EPHB1: variants seen among roughly 807,000 people sequenced by gnomAD.
EPHB1 encodes EPH receptor B1.
Under a neutral mutation model 94.4 loss-of-function variants are expected in EPHB1, and 30 were observed. That is an observed-to-expected ratio of 0.32 (90% confidence interval 0.24 to 0.43). The LOEUF is 0.43. Ranked by LOEUF, EPHB1 falls within the 20% of genes least tolerant of loss-of-function variation. The pLI, the probability that EPHB1 is intolerant of heterozygous loss-of-function variation, is 1.00. For missense variants in EPHB1, 1,055 were observed against 1,308.3 expected (o/e 0.81, Z 2.99); for synonymous variants, 522 against 489.1 (o/e 1.07, Z -0.89).
At chr3:134,969,483 T>C (rs944764691) in intron 3 of EPHB1, among the ~76,000 whole-genome samples, 6 of 152,148 alleles carry the variant, frequency 3.9e-5, no homozygotes, top group South Asian at 2.1e-4. Context: ...TGAGGACTGG[T>C]CCACACAGGG....
intron 13 of EPHB1, among the ~76,000 whole-genome samples, chr3:135,241,853 T>C (rs911126665): frequency 9.2e-5 from 14 of 152,090 alleles, no homozygotes; most frequent in African/African-American, 3.4e-4. Flanking sequence ...ATATCACCTA[T>C]CAGTGAAGGA....
At chr3:134,892,092 A>G (rs2037995229) in intron 1 of EPHB1, among the ~76,000 whole-genome samples, 1 of 152,256 alleles carries the variant, frequency 6.6e-6, no homozygotes, top group South Asian at 2.1e-4. Flanking sequence ...GTTTTAAAGC[A>G]GGTTCTTTTT....
intron 12 of EPHB1, among the ~76,000 whole-genome samples, chr3:135,236,934 G>A (rs1943669565): frequency 6.6e-6 from 1 of 152,150 alleles, no homozygotes; most frequent in Admixed American, 6.5e-5. Flanking sequence ...ATACTTGGGT[G>A]GGCTCTAGAA....
At chr3:134,902,752 C>T (rs989646267) in intron 1 of EPHB1, among the ~76,000 whole-genome samples, 7 of 152,178 alleles carry the variant, frequency 4.6e-5, no homozygotes, top group African/African-American at 1.2e-4. Flanking sequence ...TTTAGCTCTT[C>T]GTGTGGCTGA....
At chr3:135,079,419 A>G (rs72975588) in intron 3 of EPHB1, among the ~76,000 whole-genome samples, 4,118 of 152,294 alleles carry the variant, frequency 0.027, 218 homozygotes, top group African/African-American at 0.094. Context: ...CTCATGCCTC[A>G]ATTTAAATGG....
At chr3:135,158,516 C>A (rs1941420186) in intron 6 of EPHB1, among the ~76,000 whole-genome samples, 1 of 152,120 alleles carries the variant, frequency 6.6e-6, no homozygotes, top group Non-Finnish European at 1.5e-5. Flanking sequence ...AGTTTTGTAA[C>A]CCCTGAAAAT....
chr3:135,258,863 G>C, intron 15 of EPHB1, 149 bp from the exon 16 acceptor site: 1 of 656,696 alleles, frequency 1.5e-6, no homozygotes, highest in Non-Finnish European at 2.7e-6. Context: ...TCTCTAATTG[G>C]AAGTTTGCCA....
chr3:134,856,661 C>T (rs1181696219), intron 1 of EPHB1, among the ~76,000 whole-genome samples: 1 of 152,028 alleles, frequency 6.6e-6, no homozygotes, highest in Non-Finnish European at 1.5e-5. Context: ...GAGGTGCTGT[C>T]GATGTAAAAT....
At position 134,795,547 on chromosome 3, in the gene EPHB1, GAGAGCGCAGC is replaced by G; in HGVS notation, c.-84_-75del. On this transcript the variant is annotated 5_prime_UTR_variant, in exon 1 of 16. Transcript: ENST00000398015. ...AAAGGATACCGAGAAGCCACCCGCG[GAGAGCGCAGC>G]GGCGCCCTGGGACGCGGCGCTCTCC... is the stretch of plus-strand genomic sequence containing the variant. The G allele has an allele frequency of 7.5e-7, 1 of 1,338,044 alleles. No individual in the cohort carries two copies. Among genetic ancestry groups the G allele is most frequent in the Non-Finnish European group, 1.0e-6 (1 of 967,464 alleles). 82.9% of individuals were successfully genotyped at this position (1,338,044 alleles called of 1,614,324 possible).
At chr3:135,154,443 C>A in intron 6 of EPHB1, 167 bp downstream of exon 6, 1 of 947,370 alleles carries the variant, frequency 1.1e-6, no homozygotes, top group Non-Finnish European at 1.5e-6. Flanking sequence ...CCTGACAAAG[C>A]CTTGTTCAAA....
chr3:135,222,364 C>T (rs985041212), intron 12 of EPHB1, among the ~76,000 whole-genome samples: 4 of 152,114 alleles, frequency 2.6e-5, no homozygotes, highest in Admixed American at 1.3e-4. Flanking sequence ...CCAATGCAAA[C>T]GCAATATGTG....
chr3:135,032,657 G>T (rs1936516972), intron 3 of EPHB1, among the ~76,000 whole-genome samples: 1 of 152,178 alleles, frequency 6.6e-6, no homozygotes, highest in Non-Finnish European at 1.5e-5. Context: ...GCCATTGTTG[G>T]GTGGTGAGAT....
chr3:134,915,337 A>G (rs141916158), intron 1 of EPHB1, among the ~76,000 whole-genome samples: 3 of 152,206 alleles, frequency 2.0e-5, no homozygotes, highest in Non-Finnish European at 4.4e-5. Flanking sequence ...TAGTCATGCC[A>G]CATAAAGGCA....
rs77009350 is a variant in EPHB1, at chr3:134,877,991, G to A, written c.59-47825G>A. 3.5e-3 allele frequency among the ~76,000 whole-genome samples: 526 copies of A among 152,352 alleles called. 4 individuals are homozygous for A. The highest frequency in any genetic ancestry group is 0.011 in the African/African-American group (472 of 41,590). ...CACACAGTCCCTGGGAGCGGTGGCT[G>A]AGGGAAGGGTGGCTCCTCCTGCTCT... On this transcript the variant is annotated intron_variant, in intron 1 of 15. Coordinates refer to ENST00000398015, the MANE Select transcript of EPHB1 (RefSeq NM_004441.5).
intron 1 of EPHB1, among the ~76,000 whole-genome samples, chr3:134,878,613 G>A (rs2037664628): frequency 6.6e-6 from 1 of 152,184 alleles, no homozygotes; most frequent in Admixed American, 6.5e-5. Context: ...TGGCCTCTTT[G>A]TGACAACTGT....
chr3:134,929,395 A>C (rs901754015), intron 2 of EPHB1, among the ~76,000 whole-genome samples: 1 of 152,176 alleles, frequency 6.6e-6, no homozygotes, highest in Non-Finnish European at 1.5e-5. Context: ...TTTCAGAGGA[A>C]TATGGCAAGG....
chr3:134,909,226 G>T (rs2107693610), intron 1 of EPHB1, among the ~76,000 whole-genome samples: 1 of 152,222 alleles, frequency 6.6e-6, no homozygotes, highest in African/African-American at 2.4e-5. Context: ...ATGGAGAAAG[G>T]GGAGTAGTTG....
chr3:134,976,346 G>A (rs552630317), intron 3 of EPHB1, among the ~76,000 whole-genome samples: 5 of 152,334 alleles, frequency 3.3e-5, no homozygotes, highest in African/African-American at 1.2e-4. Flanking sequence ...GGCAAATGCA[G>A]GAGAACAGCT....
At chr3:135,037,298 T>C (rs2107763600) in intron 3 of EPHB1, among the ~76,000 whole-genome samples, 1 of 152,344 alleles carries the variant, frequency 6.6e-6, no homozygotes, top group African/African-American at 2.4e-5. Context: ...CTGTGGCCTC[T>C]GGGGAGGATT....
Sources: allele counts gnomAD v4.1 joint callset (sites outside exome capture counted in the v4.1 genomes callset), GRCh38; gene constraint gnomAD v4.1.1; transcripts MANE v1.5; gene names NCBI Gene and HGNC (gene_info 2026-07-23, HGNC 2026-07-21).